The following AXDND1 variants were observed in gnomAD, a reference collection of about 807,000 sequenced individuals.
The protein encoded by AXDND1 is axonemal dynein light chain domain containing 1.
AXDND1 carries 110 observed loss-of-function variants against 137.5 expected under a neutral mutation model. The observed-to-expected ratio is 0.80, with a 90% CI of 0.69 to 0.94. The LOEUF (loss-of-function observed/expected upper bound fraction) is 0.94. AXDND1 is among the 40% of genes least tolerant of loss of function. The probability of loss-of-function intolerance (pLI) is 0.00; values close to 1 mark genes in which losing one functional copy is unlikely to be tolerated. For synonymous variants in AXDND1, 414 were observed against 399.7 expected (o/e 1.04, Z -0.43); for missense variants, 1,191 against 1,169.8 (o/e 1.02, Z -0.26).
intron 25 of AXDND1, among the ~76,000 whole-genome samples, chr1:179,536,229 G>A (rs1370027435): frequency 6.6e-6 from 1 of 152,130 alleles, no homozygotes; most frequent in African/African-American, 2.4e-5. Flanking sequence ...GATCCCATTT[G>A]TCTCTTTTGG....
Position 179,379,393 on chromosome 1 carries a change from T to A in AXDND1, c.496-4T>A. On this transcript the variant is annotated splice_polypyrimidine_tract_variant and splice_region_variant and intron_variant, in intron 5 of 25. Coordinates refer to ENST00000367618, the MANE Select transcript of AXDND1 (RefSeq NM_144696.6). ...CTTTTATTTTGCTTTTCTTTTCTTT[T>A]AAGCCAAAGACACTAACAGATACTT... 1 of 1,612,064 alleles carries A rather than the reference T, an allele frequency of 6.2e-7. No homozygotes were observed. Among genetic ancestry groups the A allele is most frequent in the Non-Finnish European group, 8.5e-7 (1 of 1,179,288 alleles).
intron 10 of AXDND1, 36 bp from the exon 11 acceptor site, chr1:179,395,062 C>A: frequency 6.4e-7 from 1 of 1,561,092 alleles, no homozygotes; most frequent in South Asian, 1.2e-5. Context: ...TGGAAATCTC[C>A]AAATATGAAT....
At chr1:179,375,311 C>A (rs1269158330) in intron 4 of AXDND1, among the ~76,000 whole-genome samples, 1 of 151,842 alleles carries the variant, frequency 6.6e-6, no homozygotes, top group Non-Finnish European at 1.5e-5. Flanking sequence ...ACTATATTGG[C>A]TAGGCTGGTT....
At chr1:179,483,291 T>A in intron 18 of AXDND1, 70 bp downstream of exon 18, 1 of 1,005,156 alleles carries the variant, frequency 9.9e-7, no homozygotes, top group Non-Finnish European at 1.5e-6. Context: ...GGAAAAATAA[T>A]GCTCTCCCTA....
chr1:179,458,676 C>T (rs1661769019), intron 16 of AXDND1, among the ~76,000 whole-genome samples: 1 of 151,844 alleles, frequency 6.6e-6, no homozygotes, highest in African/African-American at 2.4e-5. Context: ...AGAGATGCTG[C>T]AATTGTTTTG....
intron 25 of AXDND1, among the ~76,000 whole-genome samples, chr1:179,542,166 A>G (rs1672232495): frequency 6.6e-6 from 1 of 152,170 alleles, no homozygotes; most frequent in Admixed American, 6.5e-5. Flanking sequence ...TCTTATTTCT[A>G]ATTAGTGCTG....
At chr1:179,398,493 A>C (rs1443189696) in intron 11 of AXDND1, among the ~76,000 whole-genome samples, 6 of 152,094 alleles carry the variant, frequency 3.9e-5, no homozygotes, top group Admixed American at 3.9e-4. Context: ...CAGTAGTGGC[A>C]ATGTTGTGGG....
At chr1:179,389,038 G>A (rs1446573782) in intron 9 of AXDND1, among the ~76,000 whole-genome samples, 1 of 135,262 alleles carries the variant, frequency 7.4e-6, no homozygotes, top group African/African-American at 2.8e-5. Flanking sequence ...GCAATGGCAC[G>A]ATCTCAGCTC....
intron 9 of AXDND1, among the ~76,000 whole-genome samples, chr1:179,387,089 C>T (rs180859106): frequency 1.2e-3 from 182 of 152,016 alleles, no homozygotes; most frequent in African/African-American, 3.9e-3. Context: ...TTAATTCTAC[C>T]GTCTATTTTG....
At chr1:179,509,908 A>G (rs533322134) in intron 21 of AXDND1, among the ~76,000 whole-genome samples, 28 of 152,238 alleles carry the variant, frequency 1.8e-4, no homozygotes, top group African/African-American at 5.3e-4. Context: ...TCTCTCTGCT[A>G]CTTCTTTCTC....
intron 11 of AXDND1, among the ~76,000 whole-genome samples, chr1:179,401,968 T>C (rs540065227): frequency 6.6e-6 from 1 of 152,254 alleles, no homozygotes; most frequent in Non-Finnish European, 1.5e-5. Flanking sequence ...GGTTAAGAGA[T>C]AGAGACCATC....
chr1:179,508,696 T>C (rs1572121244), intron 20 of AXDND1, among the ~76,000 whole-genome samples: 1 of 150,366 alleles, frequency 6.7e-6, no homozygotes, highest in Non-Finnish European at 1.5e-5. Context: ...TCCATTCACT[T>C]TATTAGCAGT....
Position 179,473,271 on chromosome 1 carries a change from G to T in AXDND1, c.1997+4630G>T, listed in dbSNP as rs531525148. Among the ~76,000 whole-genome samples, 22 of 152,132 alleles carry T rather than the reference G, an allele frequency of 1.4e-4. No homozygotes were observed. The East Asian group carries it at 3.9e-3, about 27-fold the overall frequency. On this transcript the variant is annotated intron_variant, in intron 17 of 25. Transcript: ENST00000367618. Reference sequence around the variant, plus strand: ...AGCACTTTGGGAGGCCAAGATGGGGGTGGATCACCTGAGGTCAGGAGTTCA... The same window carrying T: ...AGCACTTTGGGAGGCCAAGATGGGGTTGGATCACCTGAGGTCAGGAGTTCA...
In AXDND1 at chr1:179,552,491, G is replaced by C. The variant is rs190238679; in HGVS notation, c.3032-2021G>C. 1.8e-5 allele frequency: 15 copies of C among 823,344 alleles called. No individual in the cohort carries two copies. In the East Asian group the frequency reaches 3.7e-4, roughly 20 times the overall value. 51.0% of individuals were successfully genotyped at this position (823,344 alleles called of 1,614,324 possible). A position where few individuals can be genotyped will look rare whatever the true frequency, so the allele number is the denominator to read the frequency against. ...TTTTAATAGAGTTGTAAGGGCCCAA[G>C]ACAGCTTCTGCCCAGTGCCTAATGA... On this transcript the variant is annotated intron_variant, in intron 25 of 25. Transcript: ENST00000367618.
At chr1:179,527,320 G>A (rs930375656) in intron 22 of AXDND1, among the ~76,000 whole-genome samples, 1 of 152,090 alleles carries the variant, frequency 6.6e-6, no homozygotes, top group East Asian at 1.9e-4. Flanking sequence ...GGTTTTGACC[G>A]GCTTCTTTAC....
chr1:179,449,537 A>G (rs1297596461), intron 16 of AXDND1: 2 of 153,610 alleles, frequency 1.3e-5, no homozygotes, highest in Non-Finnish European at 2.9e-5. Flanking sequence ...TAATCAGCTT[A>G]TCAATTTCTA....
chr1:179,526,955 A>T (rs1572174585), intron 22 of AXDND1, among the ~76,000 whole-genome samples: 1 of 152,230 alleles, frequency 6.6e-6, no homozygotes, highest in Non-Finnish European at 1.5e-5. Context: ...TTTAAAGATA[A>T]TGGTACTGTT....
chr1:179,431,576 A>T lies in AXDND1; in HGVS notation c.1488-691A>T, dbSNP rs201883699. On this transcript the variant is annotated intron_variant, in intron 14 of 25. Coordinates refer to ENST00000367618, the MANE Select transcript of AXDND1 (RefSeq NM_144696.6). ...ATTTCTAAGGTTTTTTTTTTTTTTT[A>T]AATTTTAAGATGCTTTGTCTGTTAG... Among the ~76,000 whole-genome samples, 693 of 144,128 alleles carry T rather than the reference A, an allele frequency of 4.8e-3. 17 individuals are homozygous for T. The East Asian group carries it at 0.073, about 15-fold the overall frequency. The allele number at this position is 144,128 out of a possible 152,430, so 94.6% of individuals were successfully genotyped here. A position where few individuals can be genotyped will look rare whatever the true frequency, so the allele number is the denominator to read the frequency against.
intron 12 of AXDND1, among the ~76,000 whole-genome samples, chr1:179,425,452 C>T (rs1656404591): frequency 6.6e-6 from 1 of 152,114 alleles, no homozygotes; most frequent in Non-Finnish European, 1.5e-5. Context: ...AGTTTCCAGG[C>T]CTGGGGATGG....
Sources: allele counts gnomAD v4.1 joint callset (sites outside exome capture counted in the v4.1 genomes callset), GRCh38; gene constraint gnomAD v4.1.1; transcripts MANE v1.5; gene names NCBI Gene and HGNC (gene_info 2026-07-23, HGNC 2026-07-21).